The following LPP variants were observed in gnomAD, a reference collection of about 807,000 sequenced individuals.
LPP encodes LIM domain containing preferred translocation partner in lipoma.
LPP carries 38 observed loss-of-function variants against 60.4 expected under a neutral mutation model. The observed-to-expected ratio is 0.63, with a 90% CI of 0.49 to 0.83. The LOEUF (loss-of-function observed/expected upper bound fraction) is 0.83, where lower values mean the gene tolerates loss of function less well. Ranked by LOEUF, LPP falls within the 40% of genes least tolerant of loss-of-function variation. The probability of loss-of-function intolerance (pLI) is 0.00; values close to 1 mark genes in which losing one functional copy is unlikely to be tolerated. For missense variants in LPP, 902 were observed against 783.6 expected (o/e 1.15, Z -1.80); for synonymous variants, 328 against 290.8 (o/e 1.13, Z -1.30).
intron 5 of LPP, among the ~76,000 whole-genome samples, chr3:188,504,592 C>T (rs1237601856): frequency 6.6e-6 from 1 of 152,046 alleles, no homozygotes; most frequent in African/African-American, 2.4e-5. Flanking sequence ...TTTACTGTTA[C>T]CGTTTGTATT....
chr3:188,162,826 G>C (rs1679196), intron 1 of LPP, among the ~76,000 whole-genome samples: 116,416 of 152,048 alleles, frequency 0.77, 45,340 homozygotes, highest in East Asian at 0.99. Context: ...ACACCTTACT[G>C]TGCTTGTGGG....
chr3:188,462,269 G>A (rs1330140516), intron 4 of LPP, among the ~76,000 whole-genome samples: 1 of 150,954 alleles, frequency 6.6e-6, no homozygotes, highest in African/African-American at 2.4e-5. Flanking sequence ...TTGAAGATGG[G>A]GTAACTGAGA....
chr3:188,631,051 G>A (rs961340853), intron 7 of LPP, among the ~76,000 whole-genome samples: 4 of 152,076 alleles, frequency 2.6e-5, no homozygotes, highest in East Asian at 3.9e-4. Flanking sequence ...GGTGAGGGTC[G>A]AAAAACTATC....
At chr3:188,428,580 C>T (rs1435169818) in intron 4 of LPP, among the ~76,000 whole-genome samples, 1 of 137,420 alleles carries the variant, frequency 7.3e-6, no homozygotes, top group African/African-American at 2.7e-5. Context: ...GGGATGGGCA[C>T]TATATATATA....
Position 188,677,491 on chromosome 3 carries a change from T to A in LPP, c.1114-30776T>A, listed in dbSNP as rs185843723. The stretch of plus-strand genomic sequence containing the variant: ...CCTCTTACTCTACTGTATATGGAAG[T>A]TGAATAAGATTGAAACTGATAGAGA... On this transcript the variant is annotated intron_variant, in intron 7 of 11. Coordinates refer to ENST00000617246, the MANE Select transcript of LPP (RefSeq NM_001375462.1). Among the ~76,000 whole-genome samples the A allele has an allele frequency of 7.9e-5, 12 of 152,286 alleles. No homozygotes were observed. In the East Asian group the frequency reaches 2.3e-3, roughly 29 times the overall value.
intron 6 of LPP, among the ~76,000 whole-genome samples, chr3:188,564,509 T>G (rs1831617565): frequency 6.6e-6 from 1 of 152,008 alleles, no homozygotes; most frequent in African/African-American, 2.4e-5. Flanking sequence ...AAAACCATAA[T>G]ATACCAGGAT....
intron 3 of LPP, 96 bp downstream of exon 3, chr3:188,341,815 T>C (rs1427366835): frequency 2.9e-6 from 1 of 350,358 alleles, no homozygotes; most frequent in Non-Finnish European, 4.0e-6. Flanking sequence ...ATAGAAGAAA[T>C]ACAAAGTACT....
intron 9 of LPP, among the ~76,000 whole-genome samples, chr3:188,768,187 C>A (rs1734747503): frequency 6.6e-6 from 1 of 152,060 alleles, no homozygotes; most frequent in African/African-American, 2.4e-5. Context: ...TGCAAAAGAG[C>A]CAGAAAATTT....
chr3:188,713,405 G>T (rs759585240), intron 8 of LPP, among the ~76,000 whole-genome samples: 1 of 151,258 alleles, frequency 6.6e-6, no homozygotes, highest in Non-Finnish European at 1.5e-5. Context: ...AAAAAAAGCT[G>T]TAAAGGATTG....
chr3:188,241,219 C>T (rs970862958), intron 2 of LPP, among the ~76,000 whole-genome samples: 1 of 152,288 alleles, frequency 6.6e-6, no homozygotes, highest in African/African-American at 2.4e-5. Context: ...ATGAATCCAA[C>T]CTGCTGTTAT....
At chr3:188,374,517 A>G (rs922685053) in intron 3 of LPP, among the ~76,000 whole-genome samples, 14 of 151,968 alleles carry the variant, frequency 9.2e-5, no homozygotes, top group African/African-American at 3.1e-4. Flanking sequence ...TTTGTCTGTT[A>G]TTGGTGTATA....
chr3:188,276,028 GT>G (rs1739558458), intron 2 of LPP, among the ~76,000 whole-genome samples: 1 of 152,188 alleles, frequency 6.6e-6, no homozygotes, highest in South Asian at 2.1e-4. Flanking sequence ...GCCTGCTGTA[GT>G]TACCATTTGA....
rs574552835 is a variant in LPP at position 188,267,430 on chromosome 3, T to C, written c.-67+41903T>C. ...TCAGATGTTTCTTCTTCATGGAAAC[T>C]CTTTATAAATCCCTCACAAAATGGG... On this transcript the variant is annotated intron_variant, in intron 2 of 11. Transcript: ENST00000617246. Among the ~76,000 whole-genome samples the C allele has an allele frequency of 3.9e-5, 6 of 152,352 alleles. No homozygotes were observed. In the East Asian group the frequency reaches 1.2e-3, roughly 29 times the overall value.
chr3:188,521,258 G>A (rs1453489890), intron 5 of LPP, among the ~76,000 whole-genome samples: 2 of 152,142 alleles, frequency 1.3e-5, no homozygotes, highest in Admixed American at 1.3e-4. Context: ...GTGATAAATT[G>A]CATCAACCTA....
intron 9 of LPP, among the ~76,000 whole-genome samples, chr3:188,818,875 G>T (rs1191553724): frequency 6.6e-6 from 1 of 152,120 alleles, no homozygotes; most frequent in Non-Finnish European, 1.5e-5. Context: ...GGCTTTTGCT[G>T]GTCAGATCTG....
chr3:188,468,762 G>A (rs191052073), intron 4 of LPP, among the ~76,000 whole-genome samples: 90 of 152,226 alleles, frequency 5.9e-4, no homozygotes, highest in African/African-American at 2.0e-3. Context: ...AGCTGAGCTC[G>A]CTGAACTTGA....
rs1232382688 is a variant in LPP at position 188,886,416 on chromosome 3, C to T, written c.*11937C>T. 1 of 184,236 alleles carries T rather than the reference C, an allele frequency of 5.4e-6. No individual in the cohort carries two copies. Among genetic ancestry groups the T allele is most frequent in the Non-Finnish European group, 1.1e-5 (1 of 89,264 alleles). The allele number at this position is 184,236 out of a possible 1,614,324, so 11.4% of individuals were successfully genotyped here. ...ATTCTTGTCGAATAGACAGAGTATT[C>T]CCACCCCAGGAATGGATTAATAGAA... On this transcript the variant is annotated 3_prime_UTR_variant, in exon 12 of 12. Transcript: ENST00000617246.
chr3:188,267,321 GA>G (rs1735937667), intron 2 of LPP, among the ~76,000 whole-genome samples: 1 of 152,102 alleles, frequency 6.6e-6, no homozygotes, highest in African/African-American at 2.4e-5. Flanking sequence ...TCATTCCCAG[GA>G]CTTTTTCTGA....
intron 6 of LPP, among the ~76,000 whole-genome samples, chr3:188,605,980 C>T (rs563233910): frequency 1.4e-4 from 21 of 152,202 alleles, no homozygotes; most frequent in South Asian, 6.2e-4. Flanking sequence ...TATCATTTAT[C>T]GGGTAGGGAG....
Sources: gnomAD v4.1 joint callset for allele counts (sites outside exome capture counted in the v4.1 genomes callset) on GRCh38, gnomAD v4.1.1 for gene constraint, MANE v1.5 for transcripts, NCBI Gene and HGNC (gene_info 2026-07-23, HGNC 2026-07-21) for gene names.